Variants in FOXP1 observed in about 807,000 individuals in gnomAD.
FOXP1 encodes the protein forkhead box protein P1.
FOXP1 carries 15 observed loss-of-function variants against 98.2 expected under a neutral mutation model. That is an observed-to-expected ratio of 0.15 (90% CI 0.10 to 0.24). The LOEUF (loss-of-function observed/expected upper bound fraction) is 0.24. FOXP1 is among the 10% of genes least tolerant of loss of function. The probability of loss-of-function intolerance (pLI) is 1.00; values close to 1 mark genes in which losing one functional copy is unlikely to be tolerated. For missense variants in FOXP1, 633 were observed against 848.5 expected (o/e 0.75, Z 3.15); for synonymous variants, 371 against 314.5 (o/e 1.18, Z -1.90).
intron 5 of FOXP1, among the ~76,000 whole-genome samples, chr3:71,232,269 C>G (rs903139802): frequency 2.6e-5 from 4 of 152,188 alleles, no homozygotes; most frequent in African/African-American, 9.7e-5. Context: ...ACATTTCAGT[C>G]AAGTGCTATC....
At chr3:71,120,482 G>A (rs1398317376) in intron 6 of FOXP1, among the ~76,000 whole-genome samples, 1 of 152,216 alleles carries the variant, frequency 6.6e-6, no homozygotes, top group Admixed American at 6.5e-5. Context: ...AAGTGTTCCA[G>A]TCTTTGCAAA....
chr3:70,974,510 G>C (rs548531980), intron 17 of FOXP1, among the ~76,000 whole-genome samples: 13 of 152,112 alleles, frequency 8.5e-5, no homozygotes, highest in African/African-American at 3.1e-4. Context: ...TGTTGCCCAG[G>C]CTGATCTTGA....
At chr3:71,413,576 A>T (rs1462241693) in intron 3 of FOXP1, among the ~76,000 whole-genome samples, 2 of 152,182 alleles carry the variant, frequency 1.3e-5, no homozygotes, top group Admixed American at 6.5e-5. Flanking sequence ...AACATATTTA[A>T]CACCCATATA....
chr3:71,277,682 G>C lies in FOXP1; in HGVS notation c.-12+22138C>G, dbSNP rs1361536026. ...CCTGGAGGACTGGACATTAGTTGCT[G>C]CTTCGACATTGAATTGATCTTTCCC... On this transcript the variant is annotated intron_variant, in intron 5 of 20. Transcript: ENST00000649528. 3.3e-5 allele frequency among the ~76,000 whole-genome samples: 5 copies of C among 152,114 alleles called. No individual in the cohort carries two copies. The South Asian group carries it at 6.2e-4, about 19-fold the overall frequency.
intron 5 of FOXP1, among the ~76,000 whole-genome samples, chr3:71,237,922 G>T (rs1284837485): frequency 6.6e-6 from 1 of 152,166 alleles, no homozygotes; most frequent in Non-Finnish European, 1.5e-5. Context: ...GAGGGGGAAG[G>T]GGAGAAGGAA....
chr3:71,188,620 G>A (rs2062790326), intron 6 of FOXP1, among the ~76,000 whole-genome samples: 1 of 152,090 alleles, frequency 6.6e-6, no homozygotes, highest in South Asian at 2.1e-4. Context: ...GTTTCGCCAT[G>A]TTGGCTAGGC....
chr3:71,247,422 G>A (rs377187589), intron 5 of FOXP1, among the ~76,000 whole-genome samples: 19 of 152,154 alleles, frequency 1.2e-4, no homozygotes, highest in South Asian at 4.1e-4. Context: ...CACACCTTAC[G>A]GAATGCCATT....
chr3:71,229,806 C>T (rs2066139587), intron 5 of FOXP1, among the ~76,000 whole-genome samples: 1 of 152,110 alleles, frequency 6.6e-6, no homozygotes, highest in Admixed American at 6.5e-5. Flanking sequence ...TTAAGGTACC[C>T]ACTGTCTAGT....
chr3:71,052,912 GC>G (rs1291259720), intron 8 of FOXP1, among the ~76,000 whole-genome samples: 1 of 152,172 alleles, frequency 6.6e-6, no homozygotes, highest in Non-Finnish European at 1.5e-5. Flanking sequence ...AAGCTGAAAT[GC>G]CCTTGCTGAG....
intron 12 of FOXP1, among the ~76,000 whole-genome samples, chr3:71,009,155 C>CGG (rs10546380): frequency 9.2e-4 from 19 of 20,752 alleles, no homozygotes; most frequent in Non-Finnish European, 2.0e-3. Context: ...ATCATGGGGG[C>CGG]GGGGGGGGGG....
chr3:70,989,733 T>C (rs2040316914), intron 13 of FOXP1, among the ~76,000 whole-genome samples: 1 of 152,188 alleles, frequency 6.6e-6, no homozygotes, highest in Admixed American at 6.5e-5. Context: ...TCTGTCATGC[T>C]GAACAATACA....
intron 3 of FOXP1, among the ~76,000 whole-genome samples, chr3:71,418,150 T>C (rs945695186): frequency 2.0e-5 from 3 of 150,658 alleles, no homozygotes; most frequent in African/African-American, 7.3e-5. Flanking sequence ...TGTGTGTGTT[T>C]CCACTGAATT....
At chr3:71,379,678 T>C (rs1387546375) in intron 3 of FOXP1, among the ~76,000 whole-genome samples, 1 of 152,222 alleles carries the variant, frequency 6.6e-6, no homozygotes, top group Non-Finnish European at 1.5e-5. Context: ...CAAATTGCTG[T>C]GTCCATAAAT....
At chr3:71,550,419 T>C (rs1313848221) in intron 2 of FOXP1, among the ~76,000 whole-genome samples, 1 of 152,208 alleles carries the variant, frequency 6.6e-6, no homozygotes, top group African/African-American at 2.4e-5. Flanking sequence ...AGTTCTTATC[T>C]CACTGAGGCC....
At chr3:71,555,969 T>A (rs991125474) in intron 2 of FOXP1, among the ~76,000 whole-genome samples, 2 of 151,710 alleles carry the variant, frequency 1.3e-5, no homozygotes, top group African/African-American at 4.8e-5. Context: ...GAAAAAAAAT[T>A]AAACAATTAT....
chr3:70,982,490 T>C (rs2039031555), intron 14 of FOXP1, among the ~76,000 whole-genome samples: 1 of 152,228 alleles, frequency 6.6e-6, no homozygotes, highest in Non-Finnish European at 1.5e-5. Flanking sequence ...CTCTGATATT[T>C]TCTACATGGC....
At chr3:71,386,192 C>T (rs985266865) in intron 3 of FOXP1, among the ~76,000 whole-genome samples, 15 of 152,180 alleles carry the variant, frequency 9.9e-5, no homozygotes, top group African/African-American at 3.6e-4. Context: ...TCACAATTTC[C>T]TCCTATCTGG....
chr3:71,177,840 C>CTTTTTTTTTTTTTTTT (rs397704711), intron 6 of FOXP1, among the ~76,000 whole-genome samples: 27 of 114,938 alleles, frequency 2.3e-4, no homozygotes, highest in Admixed American at 3.0e-4. Context: ...TTCTTTCTTT[C>CTTTTTTTTTTTTTTTT]TTTTTTTTTT....
At chr3:71,444,708 C>CG (rs1274487304) in intron 3 of FOXP1, among the ~76,000 whole-genome samples, 1 of 152,168 alleles carries the variant, frequency 6.6e-6, no homozygotes, top group African/African-American at 2.4e-5. Context: ...TGTATTATTA[C>CG]GGGCCAGCCC....
Sources: allele counts gnomAD v4.1 joint callset (sites outside exome capture counted in the v4.1 genomes callset), GRCh38; gene constraint gnomAD v4.1.1; transcripts MANE v1.5; gene names NCBI Gene and HGNC (gene_info 2026-07-23, HGNC 2026-07-21).